Variants in CALN1 observed in about 807,000 individuals in gnomAD.
CALN1 encodes calcium-binding protein 8.
Under a neutral mutation model 30.6 loss-of-function variants are expected in CALN1, and 17 were observed. That is an observed-to-expected ratio of 0.56 (90% CI 0.38 to 0.83). The LOEUF is 0.83. Among genes scored for constraint, CALN1 ranks in the 40% least tolerant of loss-of-function variants. The pLI, the probability that CALN1 is intolerant of heterozygous loss-of-function variation, is 0.00. For synonymous variants in CALN1, 156 were observed against 131.4 expected (o/e 1.19, Z -1.28); for missense variants, 291 against 354.9 (o/e 0.82, Z 1.45).
chr7:72,057,171 G>A (rs1422283941), intron 4 of CALN1, among the ~76,000 whole-genome samples: 1 of 151,832 alleles, frequency 6.6e-6, no homozygotes, highest in Non-Finnish European at 1.5e-5. Flanking sequence ...AGTCTTGAAC[G>A]CCCGGCCTGA....
chr7:71,880,209 A>T (rs1209823828), intron 5 of CALN1, among the ~76,000 whole-genome samples: 3 of 152,206 alleles, frequency 2.0e-5, no homozygotes, highest in African/African-American at 7.2e-5. Flanking sequence ...GATTAGTTTG[A>T]TCCTTCAATT....
chr7:72,073,411 T>C (rs1306332895), intron 4 of CALN1, among the ~76,000 whole-genome samples: 1 of 151,996 alleles, frequency 6.6e-6, no homozygotes. Flanking sequence ...TTATATTATG[T>C]TTATTTTACA....
At chr7:72,409,138 G>A (rs1411393565) in intron 1 of CALN1, among the ~76,000 whole-genome samples, 3 of 152,018 alleles carry the variant, frequency 2.0e-5, no homozygotes, top group Admixed American at 1.3e-4. Flanking sequence ...TGGGATTACA[G>A]GCGCCCGCCA....
chr7:72,054,500 C>T (rs13311917), intron 4 of CALN1, among the ~76,000 whole-genome samples: 9 of 106,108 alleles, frequency 8.5e-5, no homozygotes, highest in African/African-American at 3.0e-4. Flanking sequence ...TACATATATA[C>T]ATATATATAC....
At chr7:72,201,839 A>G (rs1391333575) in intron 3 of CALN1, among the ~76,000 whole-genome samples, 2 of 152,086 alleles carry the variant, frequency 1.3e-5, no homozygotes, top group Admixed American at 1.3e-4. Flanking sequence ...CTCTAGCCTT[A>G]GAAGTGGAAC....
chr7:72,080,022 C>T (rs1318013044), intron 4 of CALN1, among the ~76,000 whole-genome samples: 2 of 152,028 alleles, frequency 1.3e-5, no homozygotes, highest in African/African-American at 2.4e-5. Flanking sequence ...CTGCTCGCCT[C>T]GGCCTCCCGA....
At chr7:71,952,615 A>G (rs1253264114) in intron 5 of CALN1, among the ~76,000 whole-genome samples, 1 of 152,182 alleles carries the variant, frequency 6.6e-6, no homozygotes, top group Non-Finnish European at 1.5e-5. Flanking sequence ...CCATGGCTGC[A>G]TTACTTTCAT....
intron 3 of CALN1, among the ~76,000 whole-genome samples, chr7:72,187,421 C>T (rs1790283392): frequency 1.3e-5 from 2 of 152,168 alleles, no homozygotes; most frequent in Non-Finnish European, 2.9e-5. Context: ...CCGGGCCACA[C>T]AGCAGGAGGT....
At chr7:72,389,362 C>T (rs1362548576) in intron 2 of CALN1, among the ~76,000 whole-genome samples, 1 of 152,186 alleles carries the variant, frequency 6.6e-6, no homozygotes, top group African/African-American at 2.4e-5. Flanking sequence ...CTGGCTCCAT[C>T]CTCAAAATTA....
At chr7:72,148,001 T>C (rs1480314621) in intron 3 of CALN1, among the ~76,000 whole-genome samples, 1 of 147,810 alleles carries the variant, frequency 6.8e-6, no homozygotes, top group Non-Finnish European at 1.5e-5. Flanking sequence ...AAATGACGAG[T>C]TAATAGGTGC....
At chr7:72,370,240 G>A (rs1804147042) in intron 2 of CALN1, among the ~76,000 whole-genome samples, 1 of 152,050 alleles carries the variant, frequency 6.6e-6, no homozygotes, top group South Asian at 2.1e-4. Context: ...CTTCTCAGAT[G>A]CTTATTTGCC....
the CALN1 span, among the ~76,000 whole-genome samples, chr7:72,503,251 C>T: frequency 6.6e-6 from 1 of 152,188 alleles, no homozygotes; most frequent in Non-Finnish European, 1.5e-5. Flanking sequence ...TCAGGATGAT[C>T]ATTTTTACTT....
chr7:72,104,353 G>A (rs1353899406), intron 4 of CALN1: 1 of 152,244 alleles, frequency 6.6e-6, no homozygotes, highest in Non-Finnish European at 1.5e-5. Context: ...GCTAAGAGAT[G>A]TGGAATTCCT....
At chr7:72,262,572 TTATGTC>T (rs1253278350) in intron 3 of CALN1, among the ~76,000 whole-genome samples, 2 of 152,144 alleles carry the variant, frequency 1.3e-5, no homozygotes, top group Non-Finnish European at 2.9e-5. Flanking sequence ...TACCCAATGT[TTATGTC>T]TCACTTATAA....
At chr7:72,092,656 A>G (rs1805951205) in intron 4 of CALN1, among the ~76,000 whole-genome samples, 1 of 147,346 alleles carries the variant, frequency 6.8e-6, no homozygotes, top group Non-Finnish European at 1.5e-5. Context: ...AAAAAGGAGA[A>G]GCCTAAAATT....
chr7:72,185,069 T>G (rs1300207674), intron 3 of CALN1, among the ~76,000 whole-genome samples: 1 of 152,172 alleles, frequency 6.6e-6, no homozygotes. Context: ...CCTCCCAAAG[T>G]GCTGGGATTA....
chr7:72,373,660 T>C (rs1804380158), intron 2 of CALN1, among the ~76,000 whole-genome samples: 1 of 152,228 alleles, frequency 6.6e-6, no homozygotes, highest in Non-Finnish European at 1.5e-5. Context: ...GTTAGGTATA[T>C]TACATGCATT....
At chr7:72,189,277 T>C (rs1179379662) in intron 3 of CALN1, among the ~76,000 whole-genome samples, 1 of 152,216 alleles carries the variant, frequency 6.6e-6, no homozygotes, top group African/African-American at 2.4e-5. Flanking sequence ...CTGCTGTGTG[T>C]CCGAATTTCT....
At chr7:72,369,689 T>C (rs1804105868) in intron 2 of CALN1, among the ~76,000 whole-genome samples, 1 of 152,158 alleles carries the variant, frequency 6.6e-6, no homozygotes, top group Non-Finnish European at 1.5e-5. Context: ...CTCGTAAGAA[T>C]TACCATAGTT....
Sources: allele counts gnomAD v4.1 joint callset (sites outside exome capture counted in the v4.1 genomes callset), GRCh38; gene constraint gnomAD v4.1.1; transcripts MANE v1.5; gene names NCBI Gene and HGNC (gene_info 2026-07-23, HGNC 2026-07-21).